Variants in SETDB2 observed in about 807,000 individuals in gnomAD.
The protein encoded by SETDB2 is SET domain bifurcated histone lysine methyltransferase 2.
SETDB2 carries 56 observed loss-of-function variants against 82.5 expected under a neutral mutation model. The ratio of observed to expected loss-of-function variants is 0.68; its 90% CI spans 0.55 to 0.85. SETDB2 has a LOEUF of 0.85. SETDB2 is among the 40% of genes least tolerant of loss of function. The probability of loss-of-function intolerance (pLI) is 0.00; values close to 1 mark genes in which losing one functional copy is unlikely to be tolerated. For missense variants in SETDB2, 677 were observed against 816.4 expected (o/e 0.83, Z 2.08); for synonymous variants, 272 against 284.9 (o/e 0.95, Z 0.46).
Position 49,480,968 on chromosome 13 carries a change from G to A in SETDB2, c.1008G>A (p.Leu336=). The A allele has an allele frequency of 1.9e-6, 3 of 1,614,026 alleles. No individual in the cohort carries two copies. The highest frequency in any genetic ancestry group is 2.5e-6 in the Non-Finnish European group (3 of 1,179,950). The stretch of plus-strand genomic sequence containing the variant: ...ACAGCATTTATGAATGCAGCCTTTT[G>A]TGCAAATGTAATCGACAATTGTGTC... The part of the protein sequence containing the change: ...IPTGIYECSL[L]CKCNRQLCQN... Residue 336 remains leucine (L), a synonymous_variant, in exon 8 of 14, where the codon TTG becomes TTA. Transcript: ENST00000611815.
At chr13:49,482,328 C>T (rs1958496572) in intron 8 of SETDB2, 1 of 985,004 alleles carries the variant, frequency 1.0e-6, no homozygotes, top group Non-Finnish European at 1.2e-6. Context: ...GAACATATCA[C>T]CACATATTTA....
intron 4 of SETDB2, among the ~76,000 whole-genome samples, chr13:49,467,491 A>G (rs1250758201): frequency 6.6e-6 from 1 of 152,164 alleles, no homozygotes; most frequent in East Asian, 1.9e-4. Flanking sequence ...GGAAAACAAA[A>G]GGTACATAAA....
chr13:49,461,044 A>G, intron 3 of SETDB2, 53 bp from the exon 4 acceptor site: 1 of 1,351,704 alleles, frequency 7.4e-7, no homozygotes, highest in Non-Finnish European at 1.1e-6. Context: ...TTAGCACAGT[A>G]GCTGGCACCA....
intron 12 of SETDB2, among the ~76,000 whole-genome samples, chr13:49,490,582 A>G (rs1417179544): frequency 6.6e-6 from 1 of 152,208 alleles, no homozygotes; most frequent in Non-Finnish European, 1.5e-5. Flanking sequence ...ATAAATATTG[A>G]CATATTTTAT....
chr13:49,491,879 A>G lies in SETDB2; in HGVS notation c.*30A>G, dbSNP rs201832790. 733 of 1,448,760 alleles carry G rather than the reference A, an allele frequency of 5.1e-4. 3 individuals carry two copies. The highest frequency in any genetic ancestry group is 6.6e-4 in the Non-Finnish European group (681 of 1,030,364). The allele number at this position is 1,448,760 out of a possible 1,614,324, so 89.7% of individuals were successfully genotyped here. ...GTAACTAACGCCTGTTTGTGAAATT[A>G]GCTTATCAGGCTGAAATTAAAGCCA... is the stretch of plus-strand genomic sequence containing the variant. On this transcript the variant is annotated 3_prime_UTR_variant, in exon 14 of 14. Coordinates refer to ENST00000611815, the MANE Select transcript of SETDB2 (RefSeq NM_001160308.3).
chr13:49,461,122 G>A lies in SETDB2; in HGVS notation c.168G>A (p.Val56=). The change falls in exon 4 of 14, where the codon GTG becomes GTA. Residue 56 remains valine, a synonymous_variant. Transcript: ENST00000611815. ...AATACATCCAAGCAATGATTCTAGT[G>A]AATGAAGCAACTATAATTAACAGTT... ...NKEYIQAMIL[V]NEATIINSST... is the part of the protein sequence containing the mutation. 6.2e-7 allele frequency: 1 copy of A among 1,611,624 alleles called. No homozygotes were observed. The highest frequency in any genetic ancestry group is 8.5e-7 in the Non-Finnish European group (1 of 1,178,208).
At chr13:49,480,068 T>C (rs1176625050) in intron 6 of SETDB2, 151 bp from the exon 7 acceptor site, 6 of 538,312 alleles carry the variant, frequency 1.1e-5, no homozygotes, top group Non-Finnish European at 2.0e-5. Flanking sequence ...CAAAGAGATC[T>C]ATTTAGGGAA....
In SETDB2 at chr13:49,444,330, G is replaced by A. The variant is rs987232343; in HGVS notation, c.-869G>A. 1.4e-5 allele frequency: 4 copies of A among 277,950 alleles called. No homozygotes were observed. Among genetic ancestry groups the A allele is most frequent in the African/African-American group, 9.0e-5 (4 of 44,206 alleles). 17.2% of individuals were successfully genotyped at this position (277,950 alleles called of 1,614,324 possible). A position where few individuals can be genotyped will look rare whatever the true frequency, so the allele number is the denominator to read the frequency against. On this transcript the variant is annotated 5_prime_UTR_variant, in exon 1 of 14. Transcript: ENST00000611815. ...GGCAGGGCGGGACTGTTGTGGTTGA[G>A]ATGAAGGCTAGTAAATGGTGAAGTA...
chr13:49,486,122 C>CTAA (rs1291498205), intron 11 of SETDB2, among the ~76,000 whole-genome samples: 1 of 151,948 alleles, frequency 6.6e-6, no homozygotes, highest in Non-Finnish European at 1.5e-5. Flanking sequence ...TGAGTCTGGG[C>CTAA]AATGTAGCAA....
intron 2 of SETDB2, among the ~76,000 whole-genome samples, chr13:49,453,675 C>G (rs1278226205): frequency 1.3e-5 from 2 of 152,046 alleles, no homozygotes; most frequent in Non-Finnish European, 2.9e-5. Flanking sequence ...ATAGCACTTC[C>G]CTTTTGGCAC....
At position 49,460,215 on chromosome 13, in the gene SETDB2, G is replaced by T; in HGVS notation, c.125G>T (p.Gly42Val). Residue 42 changes from glycine to valine, a missense_variant, in exon 3 of 14, where the codon GGG becomes GTG. Coordinates refer to ENST00000611815, the MANE Select transcript of SETDB2 (RefSeq NM_001160308.3). ...LQSLKQKIKD[G>V]SATNKEYIQA... Reference sequence around the variant, plus strand: ...TCACTGAAACAAAAGATCAAAGATGGGTCTGCCACCAATAAAGGTATGAAG... The same window carrying T: ...TCACTGAAACAAAAGATCAAAGATGTGTCTGCCACCAATAAAGGTATGAAG... The T allele has an allele frequency of 6.2e-7, 1 of 1,612,130 alleles. No homozygotes were observed. Among genetic ancestry groups the T allele is most frequent in the Non-Finnish European group, 8.5e-7 (1 of 1,179,296 alleles).
intron 10 of SETDB2, among the ~76,000 whole-genome samples, chr13:49,484,061 T>TCATCC (rs1481759337): frequency 5.3e-5 from 8 of 152,336 alleles, no homozygotes; most frequent in Non-Finnish European, 1.0e-4. Context: ...ATGTTCTGTT[T>TCATCC]ACTTAGTATC....
intron 12 of SETDB2, among the ~76,000 whole-genome samples, chr13:49,490,211 C>T (rs977201904): frequency 7.8e-6 from 1 of 128,422 alleles, no homozygotes; most frequent in African/African-American, 3.0e-5. Flanking sequence ...ACCCAGGAGG[C>T]GGAGGTTGCA....
Position 49,492,110 on chromosome 13 carries a change from C to T in SETDB2, c.*261C>T, listed in dbSNP as rs1958724967. 8 of 324,600 alleles carry T rather than the reference C, an allele frequency of 2.5e-5. No individual in the cohort carries two copies. Among genetic ancestry groups the T allele is most frequent in the South Asian group, 2.4e-4 (7 of 29,780 alleles). The allele number at this position is 324,600 out of a possible 1,614,324, so 20.1% of individuals were successfully genotyped here. ...AGTGTATATTTTATATGAAATACCA[C>T]TGTACAATTTATAATTTATTTACAA... On this transcript the variant is annotated 3_prime_UTR_variant, in exon 14 of 14. Transcript: ENST00000611815.
At chr13:49,482,648 C>G in intron 8 of SETDB2, 89 bp from the exon 9 acceptor site, 1 of 832,882 alleles carries the variant, frequency 1.2e-6, no homozygotes, top group Non-Finnish European at 1.9e-6. Context: ...TGTGTGGGTT[C>G]TTTAGTCATG....
In SETDB2 at chr13:49,476,670, A is replaced by G. The variant is rs1594165748; in HGVS notation, c.500A>G (p.Lys167Arg). The change falls in exon 6 of 14, where the codon AAG becomes AGG. Residue 167 changes from lysine (K) to arginine (R), a missense_variant. Coordinates refer to ENST00000611815, the MANE Select transcript of SETDB2 (RefSeq NM_001160308.3). The part of the protein sequence containing the change: ...IKCHFQRRHA[K>R]TNSHSSALHV... ...TGTCACTTCCAAAGACGACATGCAA[A>G]GACAAACTCTCATTCTTCAGCACTC... 2 of 1,614,220 alleles carry G rather than the reference A, an allele frequency of 1.2e-6. No individual in the cohort carries two copies. Among genetic ancestry groups the G allele is most frequent in the Non-Finnish European group, 1.7e-6 (2 of 1,180,044 alleles).
Position 49,451,733 on chromosome 13 carries a change from G to C in SETDB2, c.-161G>C, listed in dbSNP as rs1957789699. 2.3e-6 allele frequency: 1 copy of C among 433,894 alleles called. No homozygotes were observed. The highest frequency in any genetic ancestry group is 4.4e-5 in the Admixed American group (1 of 22,550). The allele number at this position is 433,894 out of a possible 1,614,324, so 26.9% of individuals were successfully genotyped here. A position where few individuals can be genotyped will look rare whatever the true frequency, so the allele number is the denominator to read the frequency against. ...CCACAATTTCTATTTGAAAATTCAA[G>C]TATCAAAGGATACCAGGTTTAGAAT... On this transcript the variant is annotated 5_prime_UTR_variant, in exon 2 of 14. Coordinates refer to ENST00000611815, the MANE Select transcript of SETDB2 (RefSeq NM_001160308.3).
chr13:49,487,124 A>C (rs1594180438), intron 11 of SETDB2, among the ~76,000 whole-genome samples: 1 of 152,198 alleles, frequency 6.6e-6, no homozygotes, highest in Non-Finnish European at 1.5e-5. Flanking sequence ...AAAAAATCCA[A>C]AGTTGTATTA....
chr13:49,468,044 AAT>A (rs1369527610), intron 5 of SETDB2, 84 bp downstream of exon 5: 1 of 911,240 alleles, frequency 1.1e-6, no homozygotes, highest in Non-Finnish European at 1.5e-6. Flanking sequence ...GAATAGATGA[AAT>A]ATACAAAAAA....
Sources: gnomAD v4.1 joint callset for allele counts (sites outside exome capture counted in the v4.1 genomes callset) on GRCh38, gnomAD v4.1.1 for gene constraint, MANE v1.5 for transcripts, NCBI Gene and HGNC (gene_info 2026-07-23, HGNC 2026-07-21) for gene names.